ZBBX: variants seen among roughly 807,000 people sequenced by gnomAD.
The protein encoded by ZBBX is zinc finger B-box domain containing.
Under a neutral mutation model 108.5 loss-of-function variants are expected in ZBBX, and 101 were observed. That is an observed-to-expected ratio of 0.93 (90% CI 0.79 to 1.10). The LOEUF is 1.10. ZBBX is among the 50% of genes least tolerant of loss of function. The pLI, the probability that ZBBX is intolerant of heterozygous loss-of-function variation, is 0.00. For synonymous variants in ZBBX, 356 were observed against 323.4 expected (o/e 1.10, Z -1.08); for missense variants, 1,009 against 941.4 (o/e 1.07, Z -0.94).
chr3:167,375,205 A>G (rs987182753), intron 2 of ZBBX, among the ~76,000 whole-genome samples: 1 of 152,228 alleles, frequency 6.6e-6, no homozygotes, highest in African/African-American at 2.4e-5. Flanking sequence ...GTGGTTCTTC[A>G]TCGTTGTTCC....
At chr3:167,201,710 G>C in the ZBBX span, among the ~76,000 whole-genome samples, 1 of 152,134 alleles carries the variant, frequency 6.6e-6, no homozygotes, top group African/African-American at 2.4e-5. Flanking sequence ...AACTCCAGGA[G>C]ATGCAGATTG....
chr3:167,276,473 CA>C (rs1727601320), intron 20 of ZBBX, among the ~76,000 whole-genome samples: 1 of 152,038 alleles, frequency 6.6e-6, no homozygotes, highest in African/African-American at 2.4e-5. Context: ...CCGATGCAAT[CA>C]ACTGGAAGAA....
Position 167,368,943 on chromosome 3 carries a change from T to A in ZBBX, c.69-369A>T, listed in dbSNP as rs77106528. ...TTGTTTTGCCTCCAATGTAGTCAAG[T>A]AGTTTGAAGCACAGTATTTAAAACA... On this transcript the variant is annotated intron_variant, in intron 4 of 21. Coordinates refer to ENST00000675490, the MANE Select transcript of ZBBX (RefSeq NM_001199201.2). 463 of 175,612 alleles carry A rather than the reference T, an allele frequency of 2.6e-3. 2 individuals carry two copies. Among genetic ancestry groups the A allele is most frequent in the African/African-American group, 0.011 (445 of 41,856 alleles). The allele number at this position is 175,612 out of a possible 1,614,324, so 10.9% of individuals were successfully genotyped here.
chr3:167,365,834 G>T, intron 6 of ZBBX, 52 bp downstream of exon 6: 1 of 1,355,364 alleles, frequency 7.4e-7, no homozygotes, highest in Non-Finnish European at 1.0e-6. Context: ...ACCTAAAAAA[G>T]AATATCTTCT....
the ZBBX span, among the ~76,000 whole-genome samples, chr3:167,191,896 C>CATATCTAT: frequency 5.9e-5 from 4 of 67,950 alleles, no homozygotes; most frequent in African/African-American, 2.6e-4. Context: ...TTACAAAAAT[C>CATATCTAT]ATATATATAT....
At chr3:167,340,989 G>C (rs1560151723) in intron 9 of ZBBX, among the ~76,000 whole-genome samples, 1 of 151,872 alleles carries the variant, frequency 6.6e-6, no homozygotes, top group South Asian at 2.1e-4. Context: ...GAAATATCAA[G>C]GGTATAAAAA....
At chr3:167,201,104 G>A in the ZBBX span, among the ~76,000 whole-genome samples, 5 of 152,070 alleles carry the variant, frequency 3.3e-5, no homozygotes, top group African/African-American at 1.2e-4. Flanking sequence ...TCATCCCAAA[G>A]AGTGCTGATT....
the ZBBX span, among the ~76,000 whole-genome samples, chr3:167,215,374 C>T: frequency 3.3e-5 from 5 of 151,922 alleles, no homozygotes; most frequent in East Asian, 1.9e-4. Context: ...AACTAGAAAA[C>T]GTAGAAGTTA....
the ZBBX span, among the ~76,000 whole-genome samples, chr3:167,183,256 C>T: frequency 2.0e-5 from 3 of 152,162 alleles, no homozygotes; most frequent in African/African-American, 7.2e-5. Context: ...CCAACCAGAG[C>T]CCACACTTGT....
chr3:167,362,878 T>A (rs1447210203), intron 6 of ZBBX, among the ~76,000 whole-genome samples: 1 of 151,998 alleles, frequency 6.6e-6, no homozygotes, highest in Non-Finnish European at 1.5e-5. Flanking sequence ...CTAGGGTCTC[T>A]TCCACCTGAA....
chr3:167,406,422 T>C (rs1748588813), intron 1 of ZBBX, among the ~76,000 whole-genome samples: 1 of 152,120 alleles, frequency 6.6e-6, no homozygotes, highest in Admixed American at 6.5e-5. Flanking sequence ...TAAATCACAG[T>C]CTTGTAAGAT....
chr3:167,261,997 G>A (rs752582989), intron 20 of ZBBX, among the ~76,000 whole-genome samples: 15 of 152,154 alleles, frequency 9.9e-5, no homozygotes, highest in Non-Finnish European at 1.9e-4. Context: ...GGCCTGGTAG[G>A]TGACCCAACA....
intron 20 of ZBBX, among the ~76,000 whole-genome samples, chr3:167,250,028 A>T (rs1722300636): frequency 6.6e-6 from 1 of 152,184 alleles, no homozygotes; most frequent in Non-Finnish European, 1.5e-5. Context: ...CCTTCCTGGA[A>T]AGGCTAAGAG....
rs191272575 is a variant in ZBBX at position 167,395,181 on chromosome 3, A to G, written c.-446+12545T>C. ...GAAGGCCAAGATTGAAATGGAAAAA[A>G]ATAATATGGGGATTTATAGATCAAA... On this transcript the variant is annotated intron_variant, in intron 1 of 21. Transcript: ENST00000455345. Among the ~76,000 whole-genome samples the G allele has an allele frequency of 3.7e-3, 563 of 152,166 alleles. 3 individuals are homozygous for G. Among genetic ancestry groups the G allele is most frequent in the Non-Finnish European group, 4.1e-3 (280 of 67,982 alleles).
intron 11 of ZBBX, among the ~76,000 whole-genome samples, chr3:167,327,272 T>A (rs1483699237): frequency 1.3e-5 from 2 of 151,686 alleles, no homozygotes; most frequent in Non-Finnish European, 2.9e-5. Context: ...AAAAAAAAAA[T>A]TCCTCTTTAT....
chr3:167,342,812 C>A (rs1408914579), intron 9 of ZBBX, among the ~76,000 whole-genome samples: 56 of 144,590 alleles, frequency 3.9e-4, no homozygotes, highest in African/African-American at 1.2e-3. Context: ...AAAAAAAAAA[C>A]AACAAGGGAC....
chr3:167,225,277 TTTC>T, the ZBBX span, among the ~76,000 whole-genome samples: 1 of 151,892 alleles, frequency 6.6e-6, no homozygotes, highest in Non-Finnish European at 1.5e-5. Flanking sequence ...CCTACCCTTA[TTTC>T]TTAATTTTTA....
chr3:167,299,355 C>A (rs957807484), intron 17 of ZBBX, among the ~76,000 whole-genome samples: 1 of 151,976 alleles, frequency 6.6e-6, no homozygotes, highest in African/African-American at 2.4e-5. Context: ...TAAAGCATGT[C>A]ATTCAAAGAC....
chr3:167,386,375 C>G (rs1256590532), intron 1 of ZBBX, among the ~76,000 whole-genome samples: 1 of 151,932 alleles, frequency 6.6e-6, no homozygotes, highest in Non-Finnish European at 1.5e-5. Flanking sequence ...TAAATGACTA[C>G]CAGAAGAATC....
Sources: allele counts gnomAD v4.1 joint callset (sites outside exome capture counted in the v4.1 genomes callset), GRCh38; gene constraint gnomAD v4.1.1; transcripts MANE v1.5; gene names NCBI Gene and HGNC (gene_info 2026-07-23, HGNC 2026-07-21).